Variants in PGCKA1 observed in about 807,000 individuals in gnomAD.
PGCKA1 encodes the protein PDCD10 and GCKIII kinases associated 1.
the PGCKA1 span, among the ~76,000 whole-genome samples, chr4:37,538,458 T>C: frequency 6.6e-6 from 1 of 152,198 alleles, no homozygotes; most frequent in Non-Finnish European, 1.5e-5. Flanking sequence ...CTTGGGCCCC[T>C]GATGCTAAAA....
chr4:37,546,767 G>T, the PGCKA1 span, among the ~76,000 whole-genome samples: 1 of 152,216 alleles, frequency 6.6e-6, no homozygotes, highest in Non-Finnish European at 1.5e-5. Context: ...CCCTGCAGGG[G>T]ACTCCAGCCA....
At chr4:37,454,834 A>T in the PGCKA1 span, among the ~76,000 whole-genome samples, 3 of 152,228 alleles carry the variant, frequency 2.0e-5, no homozygotes, top group African/African-American at 7.2e-5. Flanking sequence ...CCTTAAAAAC[A>T]AAATTAAAAC....
chr4:37,469,003 A>G, the PGCKA1 span, among the ~76,000 whole-genome samples: 1 of 152,160 alleles, frequency 6.6e-6, no homozygotes, highest in Non-Finnish European at 1.5e-5. Context: ...TACCTCTTAT[A>G]CAATGTTGGT....
the PGCKA1 span, among the ~76,000 whole-genome samples, chr4:37,534,679 A>G: frequency 1.3e-5 from 2 of 152,186 alleles, no homozygotes; most frequent in Non-Finnish European, 2.9e-5. Context: ...TGTCACCCAT[A>G]AATGGTGCCT....
At chr4:37,540,161 T>C in the PGCKA1 span, among the ~76,000 whole-genome samples, 1 of 152,234 alleles carries the variant, frequency 6.6e-6, no homozygotes, top group African/African-American at 2.4e-5. Context: ...TTGACCTTTT[T>C]TCCTCTCTTT....
chr4:37,462,836 A>G, the PGCKA1 span, among the ~76,000 whole-genome samples: 1 of 152,036 alleles, frequency 6.6e-6, no homozygotes, highest in South Asian at 2.1e-4. Flanking sequence ...CTACTAAAAA[A>G]ATACAAAAAA....
the PGCKA1 span, among the ~76,000 whole-genome samples, chr4:37,496,343 C>G: frequency 1.3e-5 from 2 of 152,168 alleles, no homozygotes; most frequent in Non-Finnish European, 2.9e-5. Flanking sequence ...TTCCCATCAC[C>G]ATTTATTGAC....
At chr4:37,532,817 A>AT in the PGCKA1 span, among the ~76,000 whole-genome samples, 48,257 of 152,104 alleles carry the variant, frequency 0.32, 8,069 homozygotes, top group South Asian at 0.45. Flanking sequence ...GCAGGAGTGA[A>AT]TACTGTCAAG....
the PGCKA1 span, among the ~76,000 whole-genome samples, chr4:37,478,696 G>A: frequency 1.3e-5 from 2 of 152,198 alleles, no homozygotes; most frequent in Admixed American, 6.5e-5. Context: ...AACAAGACGT[G>A]CTGTTGTCCA....
chr4:37,456,844 C>G, the PGCKA1 span, among the ~76,000 whole-genome samples: 1 of 152,044 alleles, frequency 6.6e-6, no homozygotes, highest in Non-Finnish European at 1.5e-5. Flanking sequence ...AAGGCAGCTG[C>G]GGCAAAAATT....
chr4:37,532,478 TCTGTGAAATCAGTC>T, the PGCKA1 span, among the ~76,000 whole-genome samples: 431 of 152,288 alleles, frequency 2.8e-3, 7 homozygotes, highest in African/African-American at 0.01. Flanking sequence ...TTGAAAGCAT[TCTGTGAAATCAGTC>T]CTCTAAATGG....
At chr4:37,477,413 G>A in the PGCKA1 span, among the ~76,000 whole-genome samples, 1 of 152,274 alleles carries the variant, frequency 6.6e-6, no homozygotes, top group East Asian at 1.9e-4. Flanking sequence ...GGGCAAGATG[G>A]CTAAAGTTGA....
chr4:37,497,655 G>A, the PGCKA1 span, among the ~76,000 whole-genome samples: 1 of 152,056 alleles, frequency 6.6e-6, no homozygotes, highest in Non-Finnish European at 1.5e-5. Context: ...TTTTTCATGT[G>A]TTTGTTGGCC....
the PGCKA1 span, among the ~76,000 whole-genome samples, chr4:37,528,587 T>A: frequency 6.6e-6 from 1 of 152,182 alleles, no homozygotes; most frequent in South Asian, 2.1e-4. Context: ...CTAGGTGGGT[T>A]TTAAAAATCC....
chr4:37,590,733 G>A, the PGCKA1 span: 5 of 1,614,190 alleles, frequency 3.1e-6, no homozygotes, highest in Non-Finnish European at 4.2e-6. Flanking sequence ...CAGTGGGGGA[G>A]CATGGTTTGA....
the PGCKA1 span, among the ~76,000 whole-genome samples, chr4:37,535,183 C>T: frequency 6.6e-6 from 1 of 152,138 alleles, no homozygotes; most frequent in Non-Finnish European, 1.5e-5. Context: ...TGTCCATGGA[C>T]ACGGCCAGTA....
chr4:37,502,349 C>T, the PGCKA1 span, among the ~76,000 whole-genome samples: 2 of 152,184 alleles, frequency 1.3e-5, no homozygotes, highest in Non-Finnish European at 2.9e-5. Flanking sequence ...TGGAGGCCCC[C>T]CAGTTGGCAA....
the PGCKA1 span, among the ~76,000 whole-genome samples, chr4:37,528,574 G>A: frequency 6.6e-6 from 1 of 152,076 alleles, no homozygotes; most frequent in African/African-American, 2.4e-5. Context: ...CAAACGCCTG[G>A]CACTAGGTGG....
chr4:37,494,169 GGTTT>G, the PGCKA1 span, among the ~76,000 whole-genome samples: 2 of 152,062 alleles, frequency 1.3e-5, no homozygotes, highest in Non-Finnish European at 2.9e-5. Flanking sequence ...TACATGTAGA[GGTTT>G]GTTATATGCA....
Sources: allele counts gnomAD v4.1 joint callset (sites outside exome capture counted in the v4.1 genomes callset), GRCh38; gene constraint gnomAD v4.1.1; transcripts MANE v1.5; gene names NCBI Gene and HGNC (gene_info 2026-07-23, HGNC 2026-07-21).